The following YTHDC2 variants were observed in gnomAD, a reference collection of about 807,000 sequenced individuals.
YTHDC2 encodes 3'-5' RNA helicase YTHDC2.
In YTHDC2, 45 loss-of-function variants were observed where a neutral mutation model predicts 174.9. The ratio of observed to expected loss-of-function variants is 0.26; its 90% CI spans 0.20 to 0.33. YTHDC2 has a LOEUF of 0.33. YTHDC2 is among the 10% of genes least tolerant of loss of function. The probability of loss-of-function intolerance (pLI) is 1.00; values close to 1 mark genes in which losing one functional copy is unlikely to be tolerated. For synonymous variants in YTHDC2, 657 were observed against 574.5 expected, an observed-to-expected ratio of 1.14 and a Z score of -2.05; for missense variants, 1,650 against 1,723.7, an observed-to-expected ratio of 0.96 and a Z score of 0.76.
chr5:113,514,252 G>C, intron 1 of YTHDC2, 170 bp downstream of exon 1: 1 of 812,728 alleles, frequency 1.2e-6, no homozygotes, highest in Non-Finnish European at 2.1e-6. Context: ...GAACGCGGCT[G>C]TTGGCCCTGC....
intron 17 of YTHDC2, among the ~76,000 whole-genome samples, chr5:113,557,257 A>G (rs1446974390): frequency 6.6e-6 from 1 of 152,226 alleles, no homozygotes; most frequent in African/African-American, 2.4e-5. Context: ...TTCAAAAGAT[A>G]ACATTAAAAA....
At chr5:113,515,602 AC>A (rs1206657077) in intron 2 of YTHDC2, among the ~76,000 whole-genome samples, 1 of 151,434 alleles carries the variant, frequency 6.6e-6, no homozygotes, top group Non-Finnish European at 1.5e-5. Flanking sequence ...TTTTTCTTCT[AC>A]CCAGCTTAGG....
At chr5:113,557,358 G>T (rs1254553996) in intron 17 of YTHDC2, among the ~76,000 whole-genome samples, 1 of 152,194 alleles carries the variant, frequency 6.6e-6, no homozygotes, top group African/African-American at 2.4e-5. Context: ...CTCATATACT[G>T]AAGACTCATG....
chr5:113,580,933 A>T (rs1277902433), intron 24 of YTHDC2, among the ~76,000 whole-genome samples: 4 of 151,864 alleles, frequency 2.6e-5, no homozygotes, highest in African/African-American at 9.7e-5. Context: ...TTTGTGTCTT[A>T]CTCTTATCTT....
rs1339097158 is a variant in YTHDC2, at chr5:113,513,793, C to T, written c.-103C>T. 19 of 1,347,140 alleles carry T rather than the reference C, an allele frequency of 1.4e-5. No homozygotes were observed. The highest frequency in any genetic ancestry group is 3.1e-5 in the African/African-American group (2 of 65,402). The allele number at this position is 1,347,140 out of a possible 1,614,324, so 83.4% of individuals were successfully genotyped here. ...ACCTCAGCCCAACACAGGCCGTCTC[C>T]GGAGCTTCCCGGTAGTGGCCCCGGA... On this transcript the variant is annotated 5_prime_UTR_variant, in exon 1 of 30. Transcript: ENST00000161863.
intron 26 of YTHDC2, among the ~76,000 whole-genome samples, chr5:113,590,166 G>T (rs139283049): frequency 7.6e-4 from 115 of 152,232 alleles, no homozygotes; most frequent in African/African-American, 2.6e-3. Context: ...TTATAATTTT[G>T]TTGGGCAGCT....
chr5:113,556,037 G>T lies in YTHDC2; in HGVS notation c.2134-15G>T, dbSNP rs1776583372. 1.3e-6 allele frequency: 2 copies of T among 1,490,004 alleles called. No individual in the cohort carries two copies. Among genetic ancestry groups the T allele is most frequent in the Non-Finnish European group, 1.9e-6 (2 of 1,072,340 alleles). 92.3% of individuals were successfully genotyped at this position (1,490,004 alleles called of 1,614,324 possible). ...CCTTTTATATTCTAACATAAAGATG[G>T]TTTAAATATTACAGAAATCCTTTGA... On this transcript the variant is annotated splice_polypyrimidine_tract_variant and intron_variant, in intron 16 of 29. Coordinates refer to ENST00000161863, the MANE Select transcript of YTHDC2 (RefSeq NM_022828.5).
At chr5:113,531,317 T>C (rs560363754) in intron 4 of YTHDC2, among the ~76,000 whole-genome samples, 59 of 152,248 alleles carry the variant, frequency 3.9e-4, no homozygotes, top group African/African-American at 1.0e-3. Flanking sequence ...TCACAGACAC[T>C]GAGGAAGGTG....
intron 2 of YTHDC2, among the ~76,000 whole-genome samples, chr5:113,517,800 C>G (rs182544300): frequency 2.6e-5 from 4 of 152,294 alleles, no homozygotes; most frequent in Admixed American, 1.3e-4. Flanking sequence ...CACTTTGAAT[C>G]TACTTCTCAA....
At chr5:113,563,669 A>T (rs1281318434) in intron 19 of YTHDC2, among the ~76,000 whole-genome samples, 177 bp downstream of exon 19, 1 of 152,226 alleles carries the variant, frequency 6.6e-6, no homozygotes, top group Non-Finnish European at 1.5e-5. Flanking sequence ...TGTACTTTAA[A>T]TAATATTGTC....
chr5:113,577,654 G>A (rs1778140206), intron 23 of YTHDC2, among the ~76,000 whole-genome samples: 1 of 152,142 alleles, frequency 6.6e-6, no homozygotes, highest in Admixed American at 6.6e-5. Flanking sequence ...ACAGGCGTGA[G>A]CCACCGCACC....
chr5:113,516,728 T>G (rs551225972), intron 2 of YTHDC2, among the ~76,000 whole-genome samples: 12 of 73,576 alleles, frequency 1.6e-4, no homozygotes, highest in African/African-American at 1.5e-3. Context: ...CTTACCGGTA[T>G]GTTTTTAGGT....
chr5:113,544,298 G>A (rs570252169), intron 10 of YTHDC2, among the ~76,000 whole-genome samples: 11 of 152,110 alleles, frequency 7.2e-5, no homozygotes, highest in Non-Finnish European at 1.3e-4. Flanking sequence ...ACAGGTGTGC[G>A]TCACCATGCC....
intron 1 of YTHDC2, among the ~76,000 whole-genome samples, chr5:113,514,978 A>T (rs1485167120): frequency 6.6e-6 from 1 of 152,206 alleles, no homozygotes; most frequent in Non-Finnish European, 1.5e-5. Flanking sequence ...CAGAACAAGT[A>T]AGAGGAGTCG....
intron 16 of YTHDC2, among the ~76,000 whole-genome samples, chr5:113,554,440 G>A (rs1287730542): frequency 6.6e-6 from 1 of 151,978 alleles, no homozygotes; most frequent in Admixed American, 6.6e-5. Context: ...TTTGTTCACT[G>A]TTAAATCTTT....
chr5:113,561,957 G>GGTGT (rs70973686), intron 18 of YTHDC2, among the ~76,000 whole-genome samples: 8,764 of 134,782 alleles, frequency 0.065, 332 homozygotes, highest in South Asian at 0.096. Flanking sequence ...ATTAATTGTG[G>GGTGT]GTGTGTGTGT....
At chr5:113,569,475 G>C (rs182999423) in intron 23 of YTHDC2, among the ~76,000 whole-genome samples, 5 of 152,170 alleles carry the variant, frequency 3.3e-5, no homozygotes, top group African/African-American at 1.2e-4. Context: ...TTATGGTTTA[G>C]AGTTTTACAT....
intron 23 of YTHDC2, among the ~76,000 whole-genome samples, chr5:113,568,565 C>T (rs1223377057): frequency 6.6e-6 from 1 of 152,112 alleles, no homozygotes; most frequent in Non-Finnish European, 1.5e-5. Flanking sequence ...TGTTGTTCCC[C>T]TGTCTGTGTC....
intron 4 of YTHDC2, among the ~76,000 whole-genome samples, chr5:113,529,150 T>C (rs897082148): frequency 6.6e-6 from 1 of 152,180 alleles, no homozygotes; most frequent in African/African-American, 2.4e-5. Flanking sequence ...TGGTGAAAAA[T>C]GACACTTTAC....
Sources: allele counts gnomAD v4.1 joint callset (sites outside exome capture counted in the v4.1 genomes callset), GRCh38; gene constraint gnomAD v4.1.1; transcripts MANE v1.5; gene names NCBI Gene and HGNC (gene_info 2026-07-23, HGNC 2026-07-21).